The following ERBB4 variants were observed in gnomAD, a reference collection of about 807,000 sequenced individuals.
ERBB4 encodes the protein receptor tyrosine-protein kinase erbB-4.
A neutral mutation model predicts 158.0 loss-of-function variants in ERBB4; 42 were observed. The ratio of observed to expected loss-of-function variants is 0.27; its 90% CI spans 0.21 to 0.34. The LOEUF (loss-of-function observed/expected upper bound fraction) is 0.34. Ranked by LOEUF, ERBB4 falls within the 10% of genes least tolerant of loss-of-function variation. The pLI, the probability that ERBB4 is intolerant of heterozygous loss-of-function variation, is 1.00. For missense variants in ERBB4, 1,333 were observed against 1,624.1 expected (o/e 0.82, Z 3.08); for synonymous variants, 583 against 558.7 (o/e 1.04, Z -0.61).
At chr2:211,506,176 C>T (rs2065744345) in intron 20 of ERBB4, among the ~76,000 whole-genome samples, 1 of 150,968 alleles carries the variant, frequency 6.6e-6, no homozygotes, top group South Asian at 2.1e-4. Flanking sequence ...AGACAAAGGG[C>T]ATTATATAAC....
chr2:212,300,794 T>C (rs750047265), intron 1 of ERBB4, among the ~76,000 whole-genome samples: 4 of 151,496 alleles, frequency 2.6e-5, no homozygotes, highest in Non-Finnish European at 4.4e-5. Flanking sequence ...TGTTTTTGAC[T>C]CTTGCGTAAA....
intron 1 of ERBB4, among the ~76,000 whole-genome samples, chr2:212,384,540 G>A (rs1309995911): frequency 2.0e-5 from 3 of 151,606 alleles, no homozygotes; most frequent in Non-Finnish European, 4.4e-5. Context: ...AGAAACTTAT[G>A]AAAAGGTCAT....
At chr2:211,645,175 G>A (rs1292855052) in intron 16 of ERBB4, among the ~76,000 whole-genome samples, 1 of 151,736 alleles carries the variant, frequency 6.6e-6, no homozygotes, top group Non-Finnish European at 1.5e-5. Flanking sequence ...AAGATGCTAT[G>A]CAATGGGTAC....
chr2:211,626,966 A>AAAAAAT (rs1553598829), intron 17 of ERBB4, among the ~76,000 whole-genome samples: 4 of 150,576 alleles, frequency 2.7e-5, no homozygotes, highest in African/African-American at 9.8e-5. Context: ...TAAAAAAAAA[A>AAAAAAT]AAGTGTGTGT....
rs1460736213 is a variant in ERBB4, at chr2:211,683,351, T to C, written c.1490-4167A>G. Among the ~76,000 whole-genome samples, 4 of 152,162 alleles carry C rather than the reference T, an allele frequency of 2.6e-5. No individual in the cohort carries two copies. The East Asian group carries it at 5.8e-4, about 22-fold the overall frequency. Reference sequence around the variant, plus strand: ...CCACCTTCCCTTTAAACTTACCCATTAGAGCTCCATTGCTGCAACCTCTAA... The same window carrying C: ...CCACCTTCCCTTTAAACTTACCCATCAGAGCTCCATTGCTGCAACCTCTAA... On this transcript the variant is annotated intron_variant, in intron 12 of 27. Coordinates refer to ENST00000342788, the MANE Select transcript of ERBB4 (RefSeq NM_005235.3).
chr2:211,647,502 T>C (rs1013302191), intron 16 of ERBB4, among the ~76,000 whole-genome samples: 1 of 151,630 alleles, frequency 6.6e-6, no homozygotes, highest in Non-Finnish European at 1.5e-5. Context: ...GGATGACTAA[T>C]TTAGCACCCT....
At position 212,403,167 on chromosome 2, in the gene ERBB4, G is replaced by A. The variant is rs538887151; in HGVS notation, c.82+135282C>T. ...GTAAAACAGATCAAATAGATTTTGC[G>A]AAGGCCTTAGAAAGTTCAAAAAAAA... On this transcript the variant is annotated intron_variant, in intron 1 of 27. Coordinates refer to ENST00000342788, the MANE Select transcript of ERBB4 (RefSeq NM_005235.3). 9.2e-5 allele frequency among the ~76,000 whole-genome samples: 14 copies of A among 152,028 alleles called. No individual in the cohort carries two copies. In the East Asian group the frequency reaches 1.4e-3, roughly 15 times the overall value.
chr2:212,424,920 C>G (rs7570330), intron 1 of ERBB4, among the ~76,000 whole-genome samples: 25,181 of 151,954 alleles, frequency 0.17, 2,418 homozygotes, highest in Non-Finnish European at 0.22. Context: ...CTACTGGAGA[C>G]TATGACCCAT....
intron 1 of ERBB4, among the ~76,000 whole-genome samples, chr2:212,184,994 C>T (rs1033307598): frequency 1.3e-5 from 2 of 150,148 alleles, no homozygotes; most frequent in African/African-American, 4.9e-5. Flanking sequence ...CATCCATGTC[C>T]ATTAGATATC....
At chr2:211,906,076 G>A (rs550510643) in intron 3 of ERBB4, among the ~76,000 whole-genome samples, 1 of 151,978 alleles carries the variant, frequency 6.6e-6, no homozygotes, top group African/African-American at 2.4e-5. Flanking sequence ...ATACATTCGA[G>A]AAGTGTCACA....
chr2:211,727,462 C>T (rs1038882180), intron 5 of ERBB4, among the ~76,000 whole-genome samples: 1 of 151,992 alleles, frequency 6.6e-6, no homozygotes, highest in African/African-American at 2.4e-5. Flanking sequence ...CAATATAAGG[C>T]AGTATTCCCT....
chr2:212,233,635 ACTT>A (rs1421556114), intron 1 of ERBB4, among the ~76,000 whole-genome samples: 1 of 152,114 alleles, frequency 6.6e-6, no homozygotes, highest in Non-Finnish European at 1.5e-5. Flanking sequence ...ATTTCTGTTG[ACTT>A]CTTTTTAAAA....
At chr2:212,046,417 A>T (rs73988954) in intron 2 of ERBB4, among the ~76,000 whole-genome samples, 1 of 152,102 alleles carries the variant, frequency 6.6e-6, no homozygotes, top group Non-Finnish European at 1.5e-5. Flanking sequence ...AAATCTGGTA[A>T]GGGAGTATTT....
chr2:211,957,027 A>G (rs1017224859), intron 2 of ERBB4, among the ~76,000 whole-genome samples: 4 of 151,912 alleles, frequency 2.6e-5, no homozygotes, highest in African/African-American at 7.3e-5. Flanking sequence ...TGGGGGTCTC[A>G]TTATGTTGCT....
At chr2:211,404,224 C>G (rs573230528) in intron 25 of ERBB4, among the ~76,000 whole-genome samples, 1 of 152,156 alleles carries the variant, frequency 6.6e-6, no homozygotes, top group South Asian at 2.1e-4. Flanking sequence ...TCCCTTGCTG[C>G]CGGTTCCATC....
In ERBB4 at chr2:211,580,844, T is replaced by TA. The variant is rs1232460302; in HGVS notation, c.2302-18757_2302-18756insT. On this transcript the variant is annotated intron_variant, in intron 19 of 27. Transcript: ENST00000342788. ...ATATATTATATATATAGATTATATA[T>TA]TATATATATAGTATGCATATACATA... is the stretch of plus-strand genomic sequence containing the variant. Among the ~76,000 whole-genome samples, 36 of 58,706 alleles carry TA rather than the reference T, an allele frequency of 6.1e-4. 4 individuals are homozygous for TA. Among genetic ancestry groups the TA allele is most frequent in the East Asian group, 2.4e-3 (4 of 1,648 alleles). The allele number at this position is 58,706 out of a possible 152,430, so 38.5% of individuals were successfully genotyped here.
intron 20 of ERBB4, among the ~76,000 whole-genome samples, chr2:211,501,398 C>T (rs73071108): frequency 0.018 from 2,773 of 151,178 alleles, 92 homozygotes; most frequent in African/African-American, 0.064. Context: ...TTATGGATAC[C>T]CCAACTACTT....
At chr2:211,906,335 C>G (rs1049959350) in intron 3 of ERBB4, among the ~76,000 whole-genome samples, 2 of 151,956 alleles carry the variant, frequency 1.3e-5, no homozygotes, top group Non-Finnish European at 2.9e-5. Flanking sequence ...TAATTCTAGA[C>G]GACCTGAAGA....
chr2:211,542,556 A>G (rs1402781325), intron 20 of ERBB4, among the ~76,000 whole-genome samples: 2 of 152,054 alleles, frequency 1.3e-5, no homozygotes, highest in African/African-American at 4.8e-5. Context: ...TTAAATATTA[A>G]TAAAAATAGA....
Sources: allele counts gnomAD v4.1 joint callset (sites outside exome capture counted in the v4.1 genomes callset), GRCh38; gene constraint gnomAD v4.1.1; transcripts MANE v1.5; gene names NCBI Gene and HGNC (gene_info 2026-07-23, HGNC 2026-07-21).